Variants in CABLES1 observed in about 807,000 individuals in gnomAD.
CABLES1 encodes Cdk5 and Abl enzyme substrate 1.
Under a neutral mutation model 57.8 loss-of-function variants are expected in CABLES1, and 36 were observed. That is an observed-to-expected ratio of 0.62 (90% confidence interval 0.48 to 0.82). The LOEUF is 0.82. CABLES1 is among the 40% of genes least tolerant of loss of function. The pLI is 0.00. For missense variants in CABLES1, 767 were observed against 836.6 expected (o/e 0.92, Z 1.03); for synonymous variants, 374 against 363.0 (o/e 1.03, Z -0.35).
chr18:23,150,599 C>G (rs566356011), intron 1 of CABLES1, among the ~76,000 whole-genome samples: 5 of 152,062 alleles, frequency 3.3e-5, no homozygotes, highest in Non-Finnish European at 7.4e-5. Context: ...GGGGGAGCCC[C>G]GGAGGGGTGG....
chr18:23,255,574 T>G (rs894773935), intron 9 of CABLES1, among the ~76,000 whole-genome samples: 1 of 150,874 alleles, frequency 6.6e-6, no homozygotes, highest in Non-Finnish European at 1.5e-5. Context: ...TTTTTTTTTT[T>G]TTTGAGACAG....
intron 7 of CABLES1, among the ~76,000 whole-genome samples, chr18:23,242,791 T>A (rs1220553538): frequency 6.6e-6 from 1 of 152,204 alleles, no homozygotes; most frequent in Non-Finnish European, 1.5e-5. Flanking sequence ...GCCTATTTTT[T>A]ATTTACCGAA....
At chr18:23,211,866 G>C (rs1164717359) in intron 3 of CABLES1, among the ~76,000 whole-genome samples, 1 of 152,252 alleles carries the variant, frequency 6.6e-6, no homozygotes, top group Non-Finnish European at 1.5e-5. Context: ...AAGCTCTGTT[G>C]CTGGGCTCCA....
intron 3 of CABLES1, chr18:23,197,279 C>G (rs2047291155): frequency 6.6e-6 from 1 of 152,212 alleles, no homozygotes; most frequent in Non-Finnish European, 1.5e-5. Context: ...TGAGACAGCT[C>G]CATGTTCACC....
At chr18:23,244,342 T>A (rs756668719) in intron 7 of CABLES1, among the ~76,000 whole-genome samples, 1 of 152,250 alleles carries the variant, frequency 6.6e-6, no homozygotes, top group African/African-American at 2.4e-5. Context: ...CCTGTGTTCC[T>A]CTCCGTGTGC....
In CABLES1 at chr18:23,207,514, C is replaced by T. The variant is rs564936076; in HGVS notation, c.1011-6463C>T. Among the ~76,000 whole-genome samples the T allele has an allele frequency of 2.4e-4, 37 of 152,298 alleles. 1 individual carries two copies. The South Asian group carries it at 4.1e-3, about 17-fold the overall frequency. On this transcript the variant is annotated intron_variant, in intron 3 of 9. Coordinates refer to ENST00000256925, the MANE Select transcript of CABLES1 (RefSeq NM_001100619.3). Reference sequence around the variant, plus strand: ...GCCTCCTTTAGGCTGGGTTATTCTTCCTGTGTGTTCAGTAGCGCCCCCTAG... The same window carrying T: ...GCCTCCTTTAGGCTGGGTTATTCTTTCTGTGTGTTCAGTAGCGCCCCCTAG...
At chr18:23,219,047 A>C (rs887653611) in intron 4 of CABLES1, 4 of 379,606 alleles carry the variant, frequency 1.1e-5, no homozygotes, top group Admixed American at 9.6e-5. Flanking sequence ...CTTTATCCCC[A>C]CCCCCCCGCA....
intron 7 of CABLES1, among the ~76,000 whole-genome samples, chr18:23,248,190 C>CGCAGGG (rs574144730): frequency 1.3e-5 from 2 of 152,182 alleles, no homozygotes; most frequent in Non-Finnish European, 2.9e-5. Context: ...GGGAGTGTGG[C>CGCAGGG]GCAGGGGCAG....
rs59555750 is a variant in CABLES1 at position 23,248,512 on chromosome 18, C to CTTTTTTTTTT, written c.1447-4431_1447-4422dup. Among the ~76,000 whole-genome samples, 149 of 90,724 alleles carry CTTTTTTTTTT rather than the reference C, an allele frequency of 1.6e-3. 9 individuals are homozygous for CTTTTTTTTTT. Among genetic ancestry groups the CTTTTTTTTTT allele is most frequent in the Non-Finnish European group, 2.2e-3 (102 of 46,918 alleles). The allele number at this position is 90,724 out of a possible 152,430, so 59.5% of individuals were successfully genotyped here. A position where few individuals can be genotyped will look rare whatever the true frequency, so the allele number is the denominator to read the frequency against. Reference sequence around the variant, plus strand: ...CTGGCAATGTAGCAAGACCCTATGTCTTTTTTTTTTTTTTTTTTTTTTTTT... The same window carrying CTTTTTTTTTT: ...CTGGCAATGTAGCAAGACCCTATGTCTTTTTTTTTTTTTTTTTTTTTTTTTTTTTTTTTTT... On this transcript the variant is annotated intron_variant, in intron 7 of 9. Coordinates refer to ENST00000256925, the MANE Select transcript of CABLES1 (RefSeq NM_001100619.3).
At chr18:23,181,496 CAA>C (rs59742943) in intron 1 of CABLES1, among the ~76,000 whole-genome samples, 14 of 35,402 alleles carry the variant, frequency 4.0e-4, no homozygotes, top group African/African-American at 1.2e-3. Context: ...AGCTTCGTCT[CAA>C]AAAAAAAAAA....
At chr18:23,201,535 C>T (rs1359372749) in intron 3 of CABLES1, among the ~76,000 whole-genome samples, 2 of 152,110 alleles carry the variant, frequency 1.3e-5, no homozygotes, top group Non-Finnish European at 2.9e-5. Flanking sequence ...TATGAAATAA[C>T]CAGAATAGTC....
chr18:23,245,682 T>C (rs2145110439), intron 7 of CABLES1, among the ~76,000 whole-genome samples: 1 of 152,332 alleles, frequency 6.6e-6, no homozygotes, highest in South Asian at 2.1e-4. Context: ...CAGGGCCTCC[T>C]TGTGAACTGC....
intron 2 of CABLES1, among the ~76,000 whole-genome samples, chr18:23,191,774 T>C (rs1300278620): frequency 6.6e-6 from 1 of 152,030 alleles, no homozygotes; most frequent in Non-Finnish European, 1.5e-5. Context: ...TGCAGGCGGC[T>C]GTGAAATTAA....
intron 4 of CABLES1, 80 bp downstream of exon 4, chr18:23,214,134 C>T: frequency 1.0e-6 from 1 of 978,972 alleles, no homozygotes; most frequent in Admixed American, 2.3e-5. Flanking sequence ...CCATCCTTTC[C>T]ATTTTCAAGA....
intron 2 of CABLES1, among the ~76,000 whole-genome samples, chr18:23,191,156 C>T (rs1453208389): frequency 2.0e-5 from 3 of 151,454 alleles, no homozygotes; most frequent in Admixed American, 6.6e-5. Flanking sequence ...GAGGCTGAGG[C>T]GACAGGATCG....
intron 4 of CABLES1, among the ~76,000 whole-genome samples, chr18:23,228,704 T>A (rs1481033629): frequency 2.1e-5 from 1 of 47,276 alleles, no homozygotes; most frequent in Non-Finnish European, 4.0e-5. Context: ...TCACTCCCAC[T>A]CCCCCACCCC....
At chr18:23,208,036 G>A (rs774564395) in intron 3 of CABLES1, among the ~76,000 whole-genome samples, 5 of 152,188 alleles carry the variant, frequency 3.3e-5, no homozygotes, top group African/African-American at 7.2e-5. Context: ...GGGTTAAGCC[G>A]TGCTTCCCTT....
chr18:23,218,966 C>T (rs541997777), intron 4 of CABLES1, among the ~76,000 whole-genome samples: 1 of 152,282 alleles, frequency 6.6e-6, no homozygotes, highest in Admixed American at 6.5e-5. Context: ...CCCACAAATC[C>T]TGACCAACAC....
chr18:23,150,989 C>T (rs556358798), intron 1 of CABLES1, among the ~76,000 whole-genome samples: 10 of 146,814 alleles, frequency 6.8e-5, no homozygotes, highest in South Asian at 2.1e-4. Context: ...TTAGAAGCCG[C>T]TGGGGAGCAC....
Sources: gnomAD v4.1 joint callset for allele counts (sites outside exome capture counted in the v4.1 genomes callset) on GRCh38, gnomAD v4.1.1 for gene constraint, MANE v1.5 for transcripts, NCBI Gene and HGNC (gene_info 2026-07-23, HGNC 2026-07-21) for gene names.